The following BLTP3B variants were observed in gnomAD, a reference collection of about 807,000 sequenced individuals.
The protein encoded by BLTP3B is UHRF1 (ICBP90) binding protein 1-like.
the BLTP3B span, among the ~76,000 whole-genome samples, chr12:100,065,525 T>C: frequency 6.6e-6 from 1 of 152,166 alleles, no homozygotes; most frequent in Non-Finnish European, 1.5e-5. Flanking sequence ...GGGGGAGGTC[T>C]ATAAATGGCC....
chr12:100,081,884 G>A, the BLTP3B span, among the ~76,000 whole-genome samples: 27 of 152,270 alleles, frequency 1.8e-4, no homozygotes, highest in African/African-American at 6.0e-4. Context: ...ACAAGTGCAC[G>A]TTATCTTTGG....
chr12:100,128,627 A>T, the BLTP3B span: 1 of 1,286,202 alleles, frequency 7.8e-7, no homozygotes, highest in African/African-American at 1.5e-5. Context: ...GGTGAAAGCA[A>T]GCAGTCAGTT....
chr12:100,142,621 G>C, the BLTP3B span: 1 of 1,609,026 alleles, frequency 6.2e-7, no homozygotes. Context: ...TTTGTTTCTT[G>C]ATGATCCCGG....
the BLTP3B span, chr12:100,039,917 G>C: frequency 1.4e-6 from 1 of 730,392 alleles, no homozygotes; most frequent in Non-Finnish European, 1.9e-6. Context: ...AGTAGTATGA[G>C]ATAGAACAAC....
the BLTP3B span, chr12:100,057,952 A>G: frequency 6.7e-7 from 1 of 1,482,512 alleles, no homozygotes; most frequent in South Asian, 1.4e-5. Context: ...TTTCTGCCTC[A>G]AAACAAAATA....
the BLTP3B span, among the ~76,000 whole-genome samples, chr12:100,130,961 T>G: frequency 0.23 from 21,507 of 93,128 alleles, 1,782 homozygotes; most frequent in East Asian, 0.33. Flanking sequence ...TATATATATA[T>G]AGAGAGAGAG....
At chr12:100,041,920 G>A in the BLTP3B span, among the ~76,000 whole-genome samples, 2 of 152,148 alleles carry the variant, frequency 1.3e-5, no homozygotes, top group East Asian at 3.9e-4. Flanking sequence ...CAAGTTCAGT[G>A]AGGTTGCAGG....
At chr12:100,072,964 T>A in the BLTP3B span, 5 of 800,582 alleles carry the variant, frequency 6.2e-6, no homozygotes, top group Non-Finnish European at 9.0e-6. Context: ...TAACTTCACA[T>A]GGAATTATTT....
At chr12:100,111,891 A>G in the BLTP3B span, among the ~76,000 whole-genome samples, 1 of 152,072 alleles carries the variant, frequency 6.6e-6, no homozygotes, top group African/African-American at 2.4e-5. Context: ...TACAGGCATG[A>G]GCCACCGTGC....
the BLTP3B span, among the ~76,000 whole-genome samples, chr12:100,048,744 G>C: frequency 6.6e-5 from 9 of 136,450 alleles, no homozygotes; most frequent in Admixed American, 1.6e-4. Context: ...GGGAGAGAGA[G>C]AGAGAGAGAG....
chr12:100,136,225 AC>A, the BLTP3B span, among the ~76,000 whole-genome samples: 2 of 150,318 alleles, frequency 1.3e-5, no homozygotes, highest in Admixed American at 6.6e-5. Flanking sequence ...AAAAAAAAAA[AC>A]ACCTCAAACC....
chr12:100,097,343 A>T, the BLTP3B span: 1 of 1,597,672 alleles, frequency 6.3e-7, no homozygotes, highest in South Asian at 1.1e-5. Flanking sequence ...CATGAATCAA[A>T]AATGTAATCT....
chr12:100,071,642 C>G, the BLTP3B span, among the ~76,000 whole-genome samples: 1 of 151,736 alleles, frequency 6.6e-6, no homozygotes, highest in African/African-American at 2.4e-5. Flanking sequence ...AATGTACAAT[C>G]ATTTTAACGT....
At chr12:100,095,752 G>A in the BLTP3B span, 40 of 1,613,462 alleles carry the variant, frequency 2.5e-5, no homozygotes, top group Non-Finnish European at 3.4e-5. Flanking sequence ...TTGTACCATA[G>A]CTTTCAACTG....
chr12:100,122,327 T>C, the BLTP3B span, among the ~76,000 whole-genome samples: 3 of 152,148 alleles, frequency 2.0e-5, no homozygotes, highest in African/African-American at 4.8e-5. Flanking sequence ...CATTTTATAG[T>C]AGAGAATATG....
chr12:100,059,398 A>T, the BLTP3B span: 1 of 1,614,086 alleles, frequency 6.2e-7, no homozygotes. Flanking sequence ...AAGTCTTGAA[A>T]CAAAGCTTCT....
At chr12:100,140,729 A>AAAAAAAT in the BLTP3B span, among the ~76,000 whole-genome samples, 29 of 61,490 alleles carry the variant, frequency 4.7e-4, no homozygotes, top group African/African-American at 1.5e-3. Context: ...AAAAAAAAAA[A>AAAAAAAT]ATATATATAT....
the BLTP3B span, chr12:100,088,947 T>G: frequency 6.2e-7 from 1 of 1,607,798 alleles, no homozygotes; most frequent in Non-Finnish European, 8.5e-7. Flanking sequence ...ATCACATATG[T>G]GTAGATCTAG....
the BLTP3B span, among the ~76,000 whole-genome samples, chr12:100,139,039 G>A: frequency 3.5e-3 from 526 of 152,146 alleles, 2 homozygotes; most frequent in African/African-American, 0.012. Context: ...TTGAAAAATC[G>A]GGGCAGTTTC....
Sources: allele counts gnomAD v4.1 joint callset (sites outside exome capture counted in the v4.1 genomes callset), GRCh38; gene constraint gnomAD v4.1.1; transcripts MANE v1.5; gene names NCBI Gene and HGNC (gene_info 2026-07-23, HGNC 2026-07-21).